The following SIK3 variants were observed in gnomAD, a reference collection of about 807,000 sequenced individuals.
The protein encoded by SIK3 is SIK family kinase 3.
A neutral mutation model predicts 144.2 loss-of-function variants in SIK3; 28 were observed. That is an observed-to-expected ratio of 0.19 (90% confidence interval 0.14 to 0.27). SIK3 has a LOEUF of 0.27. Ranked by LOEUF, SIK3 falls within the 10% of genes least tolerant of loss-of-function variation. The pLI, the probability that SIK3 is intolerant of heterozygous loss-of-function variation, is 1.00. For synonymous variants in SIK3, 686 were observed against 676.3 expected (o/e 1.01, Z -0.22); for missense variants, 1,319 against 1,776.0 (o/e 0.74, Z 4.62).
chr11:117,079,751 CAG>C (rs959686084), intron 1 of SIK3, among the ~76,000 whole-genome samples: 2 of 150,382 alleles, frequency 1.3e-5, no homozygotes, highest in South Asian at 2.1e-4. Flanking sequence ...GAAAAAAAAA[CAG>C]AAAAATCTGA....
intron 3 of SIK3, among the ~76,000 whole-genome samples, chr11:116,943,919 A>C (rs980974144): frequency 1.3e-5 from 2 of 152,124 alleles, no homozygotes; most frequent in African/African-American, 2.4e-5. Flanking sequence ...AAGTAAAAAA[A>C]AAAAGCACTC....
rs772984545 is a variant in SIK3 at position 116,843,436 on chromosome 11, C to T, written c.*2207G>A. 7.2e-5 allele frequency: 11 copies of T among 151,910 alleles called. No homozygotes were observed. The highest frequency in any genetic ancestry group is 1.5e-4 in the Non-Finnish European group (10 of 67,974). The allele number at this position is 151,910 out of a possible 1,614,324, so 9.4% of individuals were successfully genotyped here. A position where few individuals can be genotyped will look rare whatever the true frequency, so the allele number is the denominator to read the frequency against. ...TGAGTCTGGAGATTTTTTTTTTAAT[C>T]CTTTTTAGTTCAACATAAAATGAGA... On this transcript the variant is annotated 3_prime_UTR_variant, in exon 25 of 25. Coordinates refer to ENST00000445177, the MANE Select transcript of SIK3 (RefSeq NM_001366686.3).
intron 1 of SIK3, among the ~76,000 whole-genome samples, chr11:116,963,344 A>C (rs1591436862): frequency 6.6e-6 from 1 of 152,178 alleles, no homozygotes; most frequent in African/African-American, 2.4e-5. Flanking sequence ...GTTAGGAGAA[A>C]CTTCAAAGAA....
chr11:116,861,439 T>C lies in SIK3; in HGVS notation c.2316-56A>G, dbSNP rs953700348. ...AGCTTCCTAAGGTGACAGTACAATC[T>C]TAAGTTTCAGCCATACAACATATAT... On this transcript the variant is annotated intron_variant, in intron 18 of 24. Transcript: ENST00000445177. 4.5e-6 allele frequency: 6 copies of C among 1,326,706 alleles called. No homozygotes were observed. In the African/African-American group the frequency reaches 8.9e-5, roughly 20 times the overall value. The allele number at this position is 1,326,706 out of a possible 1,614,324, so 82.2% of individuals were successfully genotyped here.
intron 1 of SIK3, among the ~76,000 whole-genome samples, chr11:117,037,352 T>C (rs569898097): frequency 6.6e-6 from 1 of 152,250 alleles, no homozygotes; most frequent in South Asian, 2.1e-4. Context: ...AGCAATATAA[T>C]AAATTCACAA....
At chr11:116,908,065 T>C (rs1211135087) in intron 4 of SIK3, among the ~76,000 whole-genome samples, 1 of 151,026 alleles carries the variant, frequency 6.6e-6, no homozygotes, top group African/African-American at 2.4e-5. Flanking sequence ...CAAAAAGTGC[T>C]AATCATAAAG....
At chr11:117,057,554 G>A (rs1325877277) in intron 1 of SIK3, among the ~76,000 whole-genome samples, 1 of 152,294 alleles carries the variant, frequency 6.6e-6, no homozygotes, top group East Asian at 1.9e-4. Context: ...TCCGTCCTAG[G>A]CCATGGAAAT....
At chr11:116,885,627 A>G (rs1321658086) in intron 6 of SIK3, among the ~76,000 whole-genome samples, 1 of 152,202 alleles carries the variant, frequency 6.6e-6, no homozygotes, top group Non-Finnish European at 1.5e-5. Flanking sequence ...TCCAATACAG[A>G]GTTCCTGCTA....
intron 3 of SIK3, among the ~76,000 whole-genome samples, chr11:116,947,232 TA>T (rs1948688161): frequency 1.2e-4 from 1 of 8,226 alleles, no homozygotes; most frequent in Non-Finnish European, 3.1e-4. Flanking sequence ...TAATTATTTA[TA>T]TATTTTATAT....
chr11:116,861,972 G>C, intron 17 of SIK3, 46 bp from the exon 18 acceptor site: 1 of 1,405,386 alleles, frequency 7.1e-7, no homozygotes, highest in East Asian at 2.4e-5. Flanking sequence ...TGAGCTTGAA[G>C]ATTACTCAGA....
At chr11:116,990,592 C>T (rs1950471651) in intron 1 of SIK3, among the ~76,000 whole-genome samples, 2 of 152,164 alleles carry the variant, frequency 1.3e-5, no homozygotes, top group African/African-American at 4.8e-5. Flanking sequence ...CACTCGATCA[C>T]TCTTCCCAGA....
intron 1 of SIK3, among the ~76,000 whole-genome samples, chr11:117,023,611 A>AAC (rs1457414612): frequency 0.011 from 369 of 35,124 alleles, 5 homozygotes; most frequent in African/African-American, 0.034. Flanking sequence ...CAAACAAACA[A>AAC]AAAAAAAAAA....
At chr11:117,083,900 T>G (rs558367686) in intron 1 of SIK3, among the ~76,000 whole-genome samples, 1 of 152,334 alleles carries the variant, frequency 6.6e-6, no homozygotes, top group South Asian at 2.1e-4. Flanking sequence ...ACTAAAGAGT[T>G]TGGCCAGTTT....
At chr11:117,096,473 G>A (rs962681207) in intron 1 of SIK3, among the ~76,000 whole-genome samples, 2 of 152,174 alleles carry the variant, frequency 1.3e-5, no homozygotes. Flanking sequence ...TAGTCAACTA[G>A]ACTGGAAACA....
chr11:116,945,140 T>C (rs1280265887), intron 3 of SIK3, among the ~76,000 whole-genome samples: 1 of 151,982 alleles, frequency 6.6e-6, no homozygotes, highest in East Asian at 1.9e-4. Flanking sequence ...TTTGTATTTT[T>C]AGTAGAGACA....
chr11:117,090,350 TAAG>T lies in SIK3; in HGVS notation c.273+7790_273+7792del, dbSNP rs758625826. On this transcript the variant is annotated intron_variant, in intron 1 of 24. Coordinates refer to ENST00000445177, the MANE Select transcript of SIK3 (RefSeq NM_001366686.3). ...CACAGACCAGAAACTAGAACTATAT[TAAG>T]AAGAATTCCTTCTTGTGTTTACTTA... Among the ~76,000 whole-genome samples, 9 of 150,450 alleles carry T rather than the reference TAAG, an allele frequency of 6.0e-5. No homozygotes were observed. The East Asian group carries it at 1.2e-3, about 20-fold the overall frequency.
intron 6 of SIK3, among the ~76,000 whole-genome samples, chr11:116,883,933 TA>T (rs60785842): frequency 6.6e-4 from 96 of 144,866 alleles, no homozygotes; most frequent in Middle Eastern, 3.5e-3. Flanking sequence ...GACTCTGTCT[TA>T]AAAAAAAAAA....
chr11:116,932,798 T>C (rs1947688447), intron 3 of SIK3, among the ~76,000 whole-genome samples: 1 of 152,130 alleles, frequency 6.6e-6, no homozygotes, highest in East Asian at 1.9e-4. Flanking sequence ...GCTTTTTTAT[T>C]TTCTTGTTTT....
At chr11:117,045,508 A>G (rs765498563) in intron 1 of SIK3, among the ~76,000 whole-genome samples, 6 of 152,162 alleles carry the variant, frequency 3.9e-5, no homozygotes, top group Non-Finnish European at 7.4e-5. Context: ...GCTGTCTGTA[A>G]TCCATAAGCC....
Sources: allele counts gnomAD v4.1 joint callset (sites outside exome capture counted in the v4.1 genomes callset), GRCh38; gene constraint gnomAD v4.1.1; transcripts MANE v1.5; gene names NCBI Gene and HGNC (gene_info 2026-07-23, HGNC 2026-07-21).